RPS17: variants seen among roughly 807,000 people sequenced by gnomAD.
The protein encoded by RPS17 is ribosomal protein S17, also known as small ribosomal subunit protein eS17.
For missense variants in RPS17, 68 were observed against 182.3 expected (o/e 0.37, Z 3.61); for synonymous variants, 75 against 65.6 (o/e 1.14, Z -0.70).
chr15:82,539,083 T>C (rs1318775380), intron 2 of RPS17, 98 bp from the exon 3 acceptor site: 15 of 1,211,532 alleles, frequency 1.2e-5, no homozygotes, highest in Non-Finnish European at 1.8e-5. Flanking sequence ...GCTTTAGTTC[T>C]TTTCCACAGT....
In RPS17 at chr15:82,540,440, C is replaced by T; in HGVS notation, c.-12G>A. On this transcript the variant is annotated 5_prime_UTR_variant, in exon 1 of 5. Transcript: ENST00000647841. ...AAAACACCTACCATGTTGGCGGGTC[C>T]TTGGTAAAAGAGGAAACAGGAAGCA... 1.3e-6 allele frequency: 2 copies of T among 1,593,134 alleles called. No individual in the cohort carries two copies. Among genetic ancestry groups the T allele is most frequent in the South Asian group, 2.3e-5 (2 of 87,538 alleles).
chr15:82,539,297 A>T, intron 2 of RPS17: 1 of 543,242 alleles, frequency 1.8e-6, no homozygotes, highest in Non-Finnish European at 3.5e-6. Context: ...AAATTCACAT[A>T]ACTTGGCAAT....
chr15:82,540,294 G>C lies in RPS17; in HGVS notation c.3+132C>G, dbSNP rs542153649. 74,788 of 1,586,162 alleles carry C rather than the reference G, an allele frequency of 0.047. 2,556 individuals carry two copies. The highest frequency in any genetic ancestry group is 0.16 in the African/African-American group (11,627 of 74,642). On this transcript the variant is annotated intron_variant, in intron 1 of 4. Coordinates refer to ENST00000647841, the MANE Select transcript of RPS17 (RefSeq NM_001021.6). ...CGCCGGGCTTAATGCGGAAGCCGCCGGCCCGTTGCGCTCCAGCCTGACAGG... is the reference window on the plus strand; with the variant it reads ...CGCCGGGCTTAATGCGGAAGCCGCCCGCCCGTTGCGCTCCAGCCTGACAGG...
chr15:82,539,495 C>T, intron 2 of RPS17: 1 of 458,372 alleles, frequency 2.2e-6, no homozygotes, highest in South Asian at 1.5e-5. Flanking sequence ...CGAGACCAGC[C>T]TGGTCAACAT....
Position 82,536,852 on chromosome 15 carries a change from G to C in RPS17, c.357C>G (p.Val119=), listed in dbSNP as rs1804362. The C allele has an allele frequency of 1.2e-6, 2 of 1,613,888 alleles. No individual in the cohort carries two copies. Among genetic ancestry groups the C allele is most frequent in the African/African-American group, 1.3e-5 (1 of 74,922 alleles). Residue 119 remains valine (V), a synonymous_variant, in exon 5 of 5, where the codon GTC becomes GTG. Transcript: ENST00000647841. ...LDFGSLSNLQ[V]TQPTVGMNFK... ...AATTCATCCCAACTGTAGGCTGAGT[G>C]ACCTGAAGGTTGGACAGACTGCCGA...
intron 3 of RPS17, 169 bp downstream of exon 3, chr15:82,538,711 A>G: frequency 1.3e-6 from 1 of 747,386 alleles, no homozygotes; most frequent in Non-Finnish European, 2.4e-6. Context: ...GTTCCAGAAG[A>G]GCAGAATGGA....
At position 82,538,943 on chromosome 15, in the gene RPS17, T is replaced by C; in HGVS notation, c.198A>G (p.Val66=). ...CCTGCAGCTTGATGGAGATACCTCT[T>C]ACTGGGCCTCTCTGAATTCGCTTCA... is the stretch of plus-strand genomic sequence containing the variant. ...HLMKRIQRGP[V]RGISIKLQEE... is the part of the protein sequence containing the mutation. Residue 66 remains valine, a synonymous_variant, in exon 3 of 5, where the codon GTA becomes GTG. Transcript: ENST00000647841. 2 of 1,614,004 alleles carry C rather than the reference T, an allele frequency of 1.2e-6. No homozygotes were observed. The highest frequency in any genetic ancestry group is 1.7e-6 in the Non-Finnish European group (2 of 1,179,874).
intron 2 of RPS17, chr15:82,539,741 G>T: frequency 1.5e-6 from 1 of 664,100 alleles, no homozygotes; most frequent in Non-Finnish European, 2.6e-6. Context: ...AAGCAACGTA[G>T]CTTCAAAGCA....
At chr15:82,539,884 A>T in intron 2 of RPS17, 97 bp downstream of exon 2, 1 of 1,597,966 alleles carries the variant, frequency 6.3e-7, no homozygotes, top group Non-Finnish European at 8.6e-7. Context: ...TCTCAGGCTA[A>T]CGAAACCACC....
chr15:82,538,603 A>G, intron 3 of RPS17: 1 of 659,164 alleles, frequency 1.5e-6, no homozygotes, highest in Non-Finnish European at 2.7e-6. Flanking sequence ...CTGTGTTTAC[A>G]CCAAAGAATA....
In RPS17 at chr15:82,538,970, C is replaced by T; in HGVS notation, c.171G>A (p.Leu57=). 6.2e-7 allele frequency: 1 copy of T among 1,613,972 alleles called. No homozygotes were observed. ...RNKIAGYVTH[L]MKRIQRGPVR... is the part of the protein sequence containing the mutation. ...CTGGGCCTCTCTGAATTCGCTTCAT[C>T]AGATGCGTGACATAACTACAAAGCA... The change falls in exon 3 of 5, where the codon CTG becomes CTA. Residue 57 remains leucine, a synonymous_variant. Coordinates refer to ENST00000647841, the MANE Select transcript of RPS17 (RefSeq NM_001021.6).
chr15:82,538,674 T>C, intron 3 of RPS17: 1 of 672,934 alleles, frequency 1.5e-6, no homozygotes, highest in Non-Finnish European at 2.7e-6. Flanking sequence ...TTAAGGGCTC[T>C]CATGAAATAT....
chr15:82,540,091 G>A lies in RPS17; in HGVS notation c.45C>T (p.Val15=), dbSNP rs909966027. ...GGCGCGTGTAGTACTTTTCTATGAT[G>A]ACCCGGGCCGCCTTCTTCACGGTTT... The part of the protein sequence containing the change: ...RTKTVKKAAR[V]IIEKYYTRLG... The change falls in exon 2 of 5, where the codon GTC becomes GTT. Residue 15 remains valine, a synonymous_variant. Coordinates refer to ENST00000647841, the MANE Select transcript of RPS17 (RefSeq NM_001021.6). The A allele has an allele frequency of 1.5e-5, 24 of 1,613,536 alleles. No homozygotes were observed. In the Middle Eastern group the frequency reaches 5.3e-4, roughly 36 times the overall value.
rs2034319195 is a variant in RPS17 at position 82,540,043 on chromosome 15, G to A, written c.93C>T (p.Asn31=). ...YTRLGNDFHT[N]KRVCEEIAII... is the part of the protein sequence containing the mutation. ...TGGCGATCTCCTCGCACACGCGCTT[G>A]TTCGTGTGGAAGTCGTTGCCCAGGC... The change falls in exon 2 of 5, where the codon AAC becomes AAT. Residue 31 remains asparagine (N), a synonymous_variant. Coordinates refer to ENST00000647841, the MANE Select transcript of RPS17 (RefSeq NM_001021.6). 3 of 1,612,592 alleles carry A rather than the reference G, an allele frequency of 1.9e-6. No homozygotes were observed. Among genetic ancestry groups the A allele is most frequent in the Non-Finnish European group, 1.7e-6 (2 of 1,179,888 alleles).
intron 4 of RPS17, 23 bp from the exon 5 acceptor site, chr15:82,536,904 G>C: frequency 6.2e-7 from 1 of 1,613,824 alleles, no homozygotes; most frequent in Non-Finnish European, 8.5e-7. Flanking sequence ...AATGGATTCA[G>C]TGAGCAGTTA....
chr15:82,538,140 C>T lies in RPS17; in HGVS notation c.327+166G>A, dbSNP rs1312983998. 1.1e-5 allele frequency: 8 copies of T among 730,096 alleles called. No individual in the cohort carries two copies. The East Asian group carries it at 2.0e-4, about 18-fold the overall frequency. 45.2% of individuals were successfully genotyped at this position (730,096 alleles called of 1,614,324 possible). A position where few individuals can be genotyped will look rare whatever the true frequency, so the allele number is the denominator to read the frequency against. ...TCTTGTGGCGAACTAACTCAATGCA[C>T]ACAACTTCCGCTACACCCCTTATGA... is the stretch of plus-strand genomic sequence containing the variant. On this transcript the variant is annotated intron_variant, in intron 4 of 4. Coordinates refer to ENST00000647841, the MANE Select transcript of RPS17 (RefSeq NM_001021.6).
Position 82,538,327 on chromosome 15 carries a change from A to G in RPS17, c.306T>C (p.Thr102=). Residue 102 remains threonine, a synonymous_variant, in exon 4 of 5, where the codon ACT becomes ACC. Transcript: ENST00000647841. ...TTACCAAAAGCTTCAGCATTTCCTT[A>G]GTGTCAGGATCTACTTCAATAATCT... ...DQEIIEVDPD[T]KEMLKLLDFG... is the part of the protein sequence containing the mutation. The G allele has an allele frequency of 6.2e-7, 1 of 1,613,320 alleles. No individual in the cohort carries two copies. The highest frequency in any genetic ancestry group is 8.5e-7 in the Non-Finnish European group (1 of 1,179,804).
intron 1 of RPS17, 143 bp from the exon 2 acceptor site, chr15:82,540,275 G>A: frequency 1.3e-6 from 2 of 1,598,164 alleles, no homozygotes; most frequent in East Asian, 2.2e-5. Flanking sequence ...CGGGCGCCGG[G>A]CTTAATGCGG....
In RPS17 at chr15:82,536,786, C is replaced by T. The variant is rs2034246870; in HGVS notation, c.*15G>A. On this transcript the variant is annotated 3_prime_UTR_variant, in exon 5 of 5. Transcript: ENST00000647841. ...CCCAGATTTATTGAAAATAATACAG[C>T]ACTACAGAAAAAATTCAAACAGGTC... 6.2e-7 allele frequency: 1 copy of T among 1,613,792 alleles called. No individual in the cohort carries two copies. Among genetic ancestry groups the T allele is most frequent in the Non-Finnish European group, 8.5e-7 (1 of 1,179,720 alleles).
Sources: allele counts gnomAD v4.1 joint callset, GRCh38; gene constraint gnomAD v4.1.1; transcripts MANE v1.5; gene names NCBI Gene and HGNC (gene_info 2026-07-23, HGNC 2026-07-21).